The following SLC38A12 variants were observed in gnomAD, a reference collection of about 807,000 sequenced individuals.
The protein encoded by SLC38A12 is solute carrier family 38 member 12.
chr17:74,815,918 C>G, the SLC38A12 span, among the ~76,000 whole-genome samples: 1 of 152,166 alleles, frequency 6.6e-6, no homozygotes, highest in South Asian at 2.1e-4. Context: ...GTCAGTACTT[C>G]CGGGTCCTCA....
the SLC38A12 span, among the ~76,000 whole-genome samples, chr17:74,823,557 G>A: frequency 6.6e-6 from 1 of 152,282 alleles, no homozygotes; most frequent in Non-Finnish European, 1.5e-5. Context: ...GACAGTGTCT[G>A]TTGATTTCTT....
the SLC38A12 span, among the ~76,000 whole-genome samples, chr17:74,813,832 C>G: frequency 6.6e-6 from 1 of 152,156 alleles, no homozygotes; most frequent in Non-Finnish European, 1.5e-5. Context: ...GGGAAGTAGC[C>G]CCTCTGTCTT....
At chr17:74,801,064 G>T in the SLC38A12 span, among the ~76,000 whole-genome samples, 1 of 152,182 alleles carries the variant, frequency 6.6e-6, no homozygotes, top group Non-Finnish European at 1.5e-5. Context: ...GCCTGGAGGG[G>T]GAAGGGTGTT....
the SLC38A12 span, chr17:74,838,984 C>A: frequency 1.3e-6 from 2 of 1,535,752 alleles, no homozygotes; most frequent in East Asian, 4.9e-5. Flanking sequence ...TTAAACTCAA[C>A]AGCCTCTACC....
At chr17:74,807,028 TC>T in the SLC38A12 span, among the ~76,000 whole-genome samples, 1 of 151,990 alleles carries the variant, frequency 6.6e-6, no homozygotes, top group Non-Finnish European at 1.5e-5. Context: ...GAAGCTCCTC[TC>T]CAGAAAGCAA....
chr17:74,814,539 A>T, the SLC38A12 span, among the ~76,000 whole-genome samples: 2 of 152,210 alleles, frequency 1.3e-5, no homozygotes, highest in African/African-American at 2.4e-5. Flanking sequence ...ATAACATGTC[A>T]ATTCCTCAGC....
the SLC38A12 span, among the ~76,000 whole-genome samples, chr17:74,782,477 C>T: frequency 2.0e-5 from 3 of 152,180 alleles, no homozygotes; most frequent in African/African-American, 7.2e-5. Flanking sequence ...AAGCACAGGG[C>T]CCGGTCTGTA....
At chr17:74,806,875 C>T in the SLC38A12 span, among the ~76,000 whole-genome samples, 5 of 152,176 alleles carry the variant, frequency 3.3e-5, no homozygotes, top group African/African-American at 7.2e-5. Flanking sequence ...GGCTCCATGA[C>T]GAGGGACAGC....
the SLC38A12 span, among the ~76,000 whole-genome samples, chr17:74,835,348 G>C: frequency 3.3e-5 from 5 of 152,158 alleles, no homozygotes; most frequent in Admixed American, 6.5e-5. Flanking sequence ...GCACTCACCT[G>C]TCTGCCCAGG....
chr17:74,780,008 C>T, the SLC38A12 span, among the ~76,000 whole-genome samples: 1 of 152,188 alleles, frequency 6.6e-6, no homozygotes, highest in Non-Finnish European at 1.5e-5. Flanking sequence ...GTCTGTTTCC[C>T]CATTTATGAG....
chr17:74,814,875 A>G, the SLC38A12 span, among the ~76,000 whole-genome samples: 1 of 152,238 alleles, frequency 6.6e-6, no homozygotes, highest in South Asian at 2.1e-4. Flanking sequence ...CCCAAGAGAA[A>G]GCAGCGGTTC....
At chr17:74,825,906 C>G in the SLC38A12 span, among the ~76,000 whole-genome samples, 1 of 152,158 alleles carries the variant, frequency 6.6e-6, no homozygotes, top group African/African-American at 2.4e-5. Context: ...TCCAGAGTTA[C>G]GTTCAGACCC....
chr17:74,786,382 C>G, the SLC38A12 span, among the ~76,000 whole-genome samples: 1 of 152,202 alleles, frequency 6.6e-6, no homozygotes, highest in Non-Finnish European at 1.5e-5. Flanking sequence ...GTGACCCTGC[C>G]CCATCTGTGC....
At chr17:74,789,403 G>C in the SLC38A12 span, among the ~76,000 whole-genome samples, 6 of 151,950 alleles carry the variant, frequency 3.9e-5, no homozygotes, top group Admixed American at 3.3e-4. Context: ...GATGATGTGT[G>C]CCTGTAATCG....
chr17:74,796,287 C>G, the SLC38A12 span, among the ~76,000 whole-genome samples: 2 of 152,194 alleles, frequency 1.3e-5, no homozygotes, highest in African/African-American at 4.8e-5. Flanking sequence ...AAATGTTTTT[C>G]TTTAACTGTT....
the SLC38A12 span, among the ~76,000 whole-genome samples, chr17:74,809,643 T>C: frequency 1.3e-5 from 2 of 152,076 alleles, no homozygotes; most frequent in African/African-American, 4.8e-5. Context: ...CAGGCTAACA[T>C]CGCATCCTGG....
At chr17:74,830,952 C>T in the SLC38A12 span, among the ~76,000 whole-genome samples, 5 of 152,222 alleles carry the variant, frequency 3.3e-5, no homozygotes, top group Non-Finnish European at 7.3e-5. Flanking sequence ...GGCGACCTCG[C>T]GGGGCCTCAG....
At chr17:74,833,519 A>C in the SLC38A12 span, among the ~76,000 whole-genome samples, 4 of 152,256 alleles carry the variant, frequency 2.6e-5, no homozygotes, top group Non-Finnish European at 5.9e-5. Flanking sequence ...GAAATCCCAC[A>C]GTCAGGGCTG....
chr17:74,823,945 C>T, the SLC38A12 span, among the ~76,000 whole-genome samples: 22 of 152,248 alleles, frequency 1.4e-4, no homozygotes, highest in African/African-American at 1.7e-4. Context: ...GTGTTGTTAG[C>T]GCAGCACCTG....
Sources: gnomAD v4.1 joint callset for allele counts (sites outside exome capture counted in the v4.1 genomes callset) on GRCh38, gnomAD v4.1.1 for gene constraint, MANE v1.5 for transcripts, NCBI Gene and HGNC (gene_info 2026-07-23, HGNC 2026-07-21) for gene names.